Variants in SMG1 observed in about 807,000 individuals in gnomAD.
The protein encoded by SMG1 is SMG1 nonsense mediated mRNA decay associated PI3K related kinase, also known as serine/threonine-protein kinase SMG1.
SMG1 carries 22 observed loss-of-function variants against 419.9 expected under a neutral mutation model. The observed-to-expected ratio is 0.05, with a 90% CI of 0.04 to 0.07. The LOEUF (loss-of-function observed/expected upper bound fraction) is 0.07. SMG1 is among the 10% of genes least tolerant of loss of function. The pLI is 1.00. For missense variants in SMG1, 3,185 were observed against 4,342.0 expected (o/e 0.73, Z 7.49); for synonymous variants, 1,538 against 1,553.5 (o/e 0.99, Z 0.23).
At chr16:18,891,777 T>C (rs570195490) in intron 4 of SMG1, among the ~76,000 whole-genome samples, 1 of 152,278 alleles carries the variant, frequency 6.6e-6, no homozygotes, top group African/African-American at 2.4e-5. Context: ...AAGAAAAAAA[T>C]TTAACCCTTC....
chr16:18,852,084 G>A lies in SMG1; in HGVS notation c.5035C>T (p.Arg1679Trp), dbSNP rs762698132. The A allele has an allele frequency of 1.2e-5, 19 of 1,609,038 alleles. No individual in the cohort carries two copies. The highest frequency in any genetic ancestry group is 1.6e-5 in the Non-Finnish European group (19 of 1,178,250). The change falls in exon 33 of 63, where the codon CGG (arginine) becomes TGG (tryptophan). Residue 1679 changes from arginine to tryptophan, a missense_variant. Transcript: ENST00000446231. ...TTCCTTGCCTGAATCCCCGCCGGCC[G>A]ACACACAGCCTGTCCAAGAATACCA... is the stretch of plus-strand genomic sequence containing the variant. The part of the protein sequence containing the change: ...IYGILGQAVC[R>W]PAGIQDEDIT...
chr16:18,910,450 C>T (rs1370486696), intron 1 of SMG1, among the ~76,000 whole-genome samples: 1 of 151,650 alleles, frequency 6.6e-6, no homozygotes, highest in Non-Finnish European at 1.5e-5. Context: ...AGGCTGCTCT[C>T]GAATTTCTGA....
chr16:18,851,977 T>C, intron 33 of SMG1, 90 bp downstream of exon 33: 1 of 1,332,662 alleles, frequency 7.5e-7, no homozygotes, highest in African/African-American at 1.5e-5. Flanking sequence ...GTAAGCCCCA[T>C]TCAGTATTTT....
At chr16:18,897,050 A>G in intron 1 of SMG1, 94 bp from the exon 2 acceptor site, 1 of 852,988 alleles carries the variant, frequency 1.2e-6, no homozygotes, top group Middle Eastern at 3.6e-4. Flanking sequence ...TTTACATTTA[A>G]CCATTACTAT....
At chr16:18,840,650 A>G (rs2033862751) in intron 41 of SMG1, among the ~76,000 whole-genome samples, 2 of 152,230 alleles carry the variant, frequency 1.3e-5, no homozygotes, top group South Asian at 4.1e-4. Flanking sequence ...TCAAAGCATA[A>G]AATTCATAGA....
At chr16:18,812,635 TATATACACATATAC>T (rs2031556730) in intron 60 of SMG1, among the ~76,000 whole-genome samples, 2 of 143,820 alleles carry the variant, frequency 1.4e-5, no homozygotes, top group African/African-American at 5.0e-5. Flanking sequence ...TATACACATA[TATATACACATATAC>T]ACACACACAC....
intron 23 of SMG1, among the ~76,000 whole-genome samples, chr16:18,865,139 T>C (rs1434775869): frequency 6.6e-6 from 1 of 152,152 alleles, no homozygotes; most frequent in Non-Finnish European, 1.5e-5. Context: ...TCAACAATCT[T>C]AGTATTTCAT....
chr16:18,812,969 T>C, intron 60 of SMG1, among the ~76,000 whole-genome samples: 1 of 152,154 alleles, frequency 6.6e-6, no homozygotes, highest in Non-Finnish European at 1.5e-5. Flanking sequence ...GGTTTCCAGC[T>C]TCATCCATGT....
intron 23 of SMG1, among the ~76,000 whole-genome samples, chr16:18,865,265 A>G (rs1289899540): frequency 6.6e-6 from 1 of 152,248 alleles, no homozygotes; most frequent in African/African-American, 2.4e-5. Flanking sequence ...TCATTAATAA[A>G]TATAGAAATG....
At chr16:18,830,657 G>A (rs2033112411) in intron 51 of SMG1, among the ~76,000 whole-genome samples, 1 of 152,160 alleles carries the variant, frequency 6.6e-6, no homozygotes, top group Non-Finnish European at 1.5e-5. Context: ...GAGTGTGATG[G>A]TGGGCACCTG....
intron 25 of SMG1, chr16:18,861,051 T>C (rs2141481434): frequency 2.9e-6 from 1 of 347,206 alleles, no homozygotes; most frequent in South Asian, 2.9e-5. Context: ...CCTGTTTTCA[T>C]GTGTTGCAGC....
chr16:18,843,770 G>A (rs960525573), intron 39 of SMG1, among the ~76,000 whole-genome samples: 1 of 152,178 alleles, frequency 6.6e-6, no homozygotes, highest in Non-Finnish European at 1.5e-5. Context: ...ATTTAGAAAT[G>A]CATCTGTAAA....
In SMG1 at chr16:18,832,926, C is replaced by T. The variant is rs201669938; in HGVS notation, c.8792+14G>A. 35 of 1,607,578 alleles carry T rather than the reference C, an allele frequency of 2.2e-5. No homozygotes were observed. In the African/African-American group the frequency reaches 4.1e-4, roughly 19 times the overall value. Reference sequence around the variant, plus strand: ...CTCTTTTACAAGGAAACGGCACAGCCAGCATTCACTTGCCTGGCAACATCG... The same window carrying T: ...CTCTTTTACAAGGAAACGGCACAGCTAGCATTCACTTGCCTGGCAACATCG... On this transcript the variant is annotated intron_variant, in intron 51 of 62. Transcript: ENST00000446231.
Position 18,852,392 on chromosome 16 carries a change from A to G in SMG1, c.4839T>C (p.Pro1613=). 1 of 1,613,870 alleles carries G rather than the reference A, an allele frequency of 6.2e-7. No homozygotes were observed. Among genetic ancestry groups the G allele is most frequent in the Non-Finnish European group, 8.5e-7 (1 of 1,179,828 alleles). ...QLYHLSSVQA[P]EVAKSWAALA... ...ACGCTGCCCAAGATTTGGCTACTTC[A>G]GGTGCCTGTACTGAAGACAGGTGAT... Residue 1613 remains proline, a synonymous_variant, in exon 32 of 63, where the codon CCT becomes CCC. Coordinates refer to ENST00000446231, the MANE Select transcript of SMG1 (RefSeq NM_015092.5).
intron 1 of SMG1, among the ~76,000 whole-genome samples, chr16:18,909,592 T>C (rs2037712982): frequency 6.6e-6 from 1 of 152,096 alleles, no homozygotes; most frequent in Non-Finnish European, 1.5e-5. Flanking sequence ...GAAAATGAAA[T>C]AAAAAATTTT....
chr16:18,884,391 G>A (rs1281943983), intron 8 of SMG1, among the ~76,000 whole-genome samples: 1 of 151,984 alleles, frequency 6.6e-6, no homozygotes, highest in Non-Finnish European at 1.5e-5. Context: ...AAATTAACAG[G>A]TAAATGTTAT....
At chr16:18,899,232 A>G (rs1198092399) in intron 1 of SMG1, among the ~76,000 whole-genome samples, 1 of 152,192 alleles carries the variant, frequency 6.6e-6, no homozygotes, top group Non-Finnish European at 1.5e-5. Context: ...ATGTGTTTCC[A>G]ACTACGAAGC....
intron 1 of SMG1, among the ~76,000 whole-genome samples, chr16:18,905,740 T>C (rs1272067209): frequency 6.6e-6 from 1 of 151,870 alleles, no homozygotes; most frequent in Non-Finnish European, 1.5e-5. Flanking sequence ...GCCTCCCAAG[T>C]AGCTGAGATT....
intron 36 of SMG1, among the ~76,000 whole-genome samples, chr16:18,848,748 T>C (rs1427803498): frequency 6.6e-6 from 1 of 152,016 alleles, no homozygotes; most frequent in Non-Finnish European, 1.5e-5. Context: ...ACATAGTAGT[T>C]ACTCCCTCAA....
Sources: gnomAD v4.1 joint callset for allele counts (sites outside exome capture counted in the v4.1 genomes callset) on GRCh38, gnomAD v4.1.1 for gene constraint, MANE v1.5 for transcripts, NCBI Gene and HGNC (gene_info 2026-07-23, HGNC 2026-07-21) for gene names.